The following TTC39C variants were observed in gnomAD, a reference collection of about 807,000 sequenced individuals.
The protein encoded by TTC39C is tetratricopeptide repeat protein 39C.
Under a neutral mutation model 76.3 loss-of-function variants are expected in TTC39C, and 33 were observed. The ratio of observed to expected loss-of-function variants is 0.43; its 90% confidence interval spans 0.33 to 0.58. TTC39C has a LOEUF of 0.58. Among genes scored for constraint, TTC39C ranks in the 20% least tolerant of loss-of-function variants. The pLI is 0.04. For synonymous variants in TTC39C, 254 were observed against 260.6 expected (o/e 0.97, Z 0.24); for missense variants, 595 against 701.4 (o/e 0.85, Z 1.71).
chr18:24,096,237 A>G (rs1373221761), intron 6 of TTC39C, among the ~76,000 whole-genome samples: 1 of 152,206 alleles, frequency 6.6e-6, no homozygotes, highest in African/African-American at 2.4e-5. Flanking sequence ...CACACCTTCA[A>G]TTTGTTAAAG....
chr18:24,042,202 G>A (rs907421262), intron 1 of TTC39C, among the ~76,000 whole-genome samples: 24 of 152,068 alleles, frequency 1.6e-4, no homozygotes, highest in African/African-American at 5.3e-4. Flanking sequence ...AACCATTTAG[G>A]TGGGTTCTAT....
At chr18:24,058,052 A>G (rs1236320951) in intron 1 of TTC39C, among the ~76,000 whole-genome samples, 5 of 152,250 alleles carry the variant, frequency 3.3e-5, no homozygotes, top group African/African-American at 1.2e-4. Context: ...AAGCAAACCA[A>G]TGCAGGAACA....
At chr18:24,023,142 G>A (rs1400033804) in intron 1 of TTC39C, among the ~76,000 whole-genome samples, 1 of 152,114 alleles carries the variant, frequency 6.6e-6, no homozygotes, top group Non-Finnish European at 1.5e-5. Context: ...CCCAGGAGGC[G>A]GCTGCCCTGT....
intron 1 of TTC39C, among the ~76,000 whole-genome samples, chr18:23,997,652 GAGAA>G (rs1176951123): frequency 1.8e-4 from 8 of 44,410 alleles, no homozygotes; most frequent in African/African-American, 6.4e-4. Context: ...AGGAAGGAAG[GAGAA>G]AGAAAGAAAG....
chr18:24,022,721 T>G (rs2083532143), intron 1 of TTC39C: 1 of 985,282 alleles, frequency 1.0e-6, no homozygotes, highest in African/African-American at 1.7e-5. Flanking sequence ...CAGTCTTGTG[T>G]AGGATAAAGC....
chr18:24,012,724 G>A (rs375674838), upstream of TTC39C, among the ~76,000 whole-genome samples: 19 of 152,244 alleles, frequency 1.2e-4, no homozygotes, highest in East Asian at 3.3e-3. Flanking sequence ...CAGCCTGTAA[G>A]TGCATGTTGT....
intron 6 of TTC39C, chr18:24,113,475 C>T (rs1378871316): frequency 2.3e-5 from 15 of 658,366 alleles, no homozygotes; most frequent in Non-Finnish European, 4.1e-5. Flanking sequence ...CACTTGGGAG[C>T]ATTGGAGGGG....
chr18:24,128,647 A>G (rs1218065594), intron 10 of TTC39C, among the ~76,000 whole-genome samples: 4 of 152,160 alleles, frequency 2.6e-5, no homozygotes, highest in African/African-American at 9.7e-5. Context: ...GTCAGTTCTG[A>G]TCCTCTCCCA....
At chr18:24,024,708 CCAA>C (rs760383420) in intron 1 of TTC39C, among the ~76,000 whole-genome samples, 23 of 152,098 alleles carry the variant, frequency 1.5e-4, no homozygotes, top group Non-Finnish European at 1.2e-4. Flanking sequence ...CCTCTGCACA[CCAA>C]CAACTTTAGA....
At chr18:24,084,732 T>C (rs2084420373) in intron 6 of TTC39C, among the ~76,000 whole-genome samples, 1 of 152,158 alleles carries the variant, frequency 6.6e-6, no homozygotes, top group Admixed American at 6.5e-5. Flanking sequence ...CATAGCTCAC[T>C]GCAGCCTCAG....
intron 4 of TTC39C, among the ~76,000 whole-genome samples, chr18:24,070,729 G>A (rs1469534671): frequency 6.6e-6 from 1 of 151,666 alleles, no homozygotes; most frequent in Admixed American, 6.6e-5. Flanking sequence ...TGTAATCCCA[G>A]CTACTTGGGA....
chr18:24,127,852 CAG>C (rs1290162426), intron 10 of TTC39C, among the ~76,000 whole-genome samples: 2 of 152,198 alleles, frequency 1.3e-5, no homozygotes, highest in Non-Finnish European at 2.9e-5. Flanking sequence ...GTGCTGCAGG[CAG>C]AGTGATCCTA....
chr18:24,113,617 C>T (rs750461502), intron 6 of TTC39C: 3 of 702,332 alleles, frequency 4.3e-6, no homozygotes, highest in Non-Finnish European at 7.8e-6. Context: ...ATGCACCGTT[C>T]AGAATAAGCT....
At chr18:24,006,769 A>G (rs1159192874) in intron 1 of TTC39C, among the ~76,000 whole-genome samples, 2 of 152,244 alleles carry the variant, frequency 1.3e-5, no homozygotes, top group Non-Finnish European at 2.9e-5. Context: ...ATAGTGTTAA[A>G]TCAGTCCAGG....
At chr18:24,071,962 T>A (rs1432858164) in intron 4 of TTC39C, among the ~76,000 whole-genome samples, 1 of 152,236 alleles carries the variant, frequency 6.6e-6, no homozygotes, top group Admixed American at 6.5e-5. Context: ...TGTCATAAAC[T>A]TATGTAGTGG....
chr18:23,997,759 T>C (rs1048630983), intron 1 of TTC39C, among the ~76,000 whole-genome samples: 1 of 151,402 alleles, frequency 6.6e-6, no homozygotes, highest in Non-Finnish European at 1.5e-5. Context: ...GCCTGTAATT[T>C]CAGCTACTCA....
chr18:24,002,714 C>A (rs1279015892), intron 1 of TTC39C, among the ~76,000 whole-genome samples: 1 of 152,114 alleles, frequency 6.6e-6, no homozygotes, highest in Non-Finnish European at 1.5e-5. Flanking sequence ...GAGAAAAAAA[C>A]CAAACTGTAG....
At chr18:24,027,455 T>C (rs2083612931) in intron 1 of TTC39C, among the ~76,000 whole-genome samples, 1 of 152,168 alleles carries the variant, frequency 6.6e-6, no homozygotes, top group African/African-American at 2.4e-5. Flanking sequence ...AAGAAAGAAC[T>C]TGATATCTTT....
At chr18:24,074,310 G>A (rs536721343) in intron 4 of TTC39C, among the ~76,000 whole-genome samples, 3 of 152,284 alleles carry the variant, frequency 2.0e-5, no homozygotes, top group African/African-American at 7.2e-5. Flanking sequence ...CCTAGAACAT[G>A]GTGGGTGGAT....
Sources: gnomAD v4.1 joint callset for allele counts (sites outside exome capture counted in the v4.1 genomes callset) on GRCh38, gnomAD v4.1.1 for gene constraint, MANE v1.5 for transcripts, NCBI Gene and HGNC (gene_info 2026-07-23, HGNC 2026-07-21) for gene names.